The following ROBO1 variants were observed in gnomAD, a reference collection of about 807,000 sequenced individuals.
ROBO1 encodes roundabout homolog 1.
In ROBO1, 149 loss-of-function variants were observed where a neutral mutation model predicts 195.9. That is an observed-to-expected ratio of 0.76 (90% CI 0.67 to 0.87). The LOEUF (loss-of-function observed/expected upper bound fraction) is 0.87, where lower values mean the gene tolerates loss of function less well. Ranked by LOEUF, ROBO1 falls within the 40% of genes least tolerant of loss-of-function variation. The pLI, the probability that ROBO1 is intolerant of heterozygous loss-of-function variation, is 0.00. For synonymous variants in ROBO1, 816 were observed against 733.2 expected (o/e 1.11, Z -1.82); for missense variants, 1,933 against 2,068.3 (o/e 0.93, Z 1.27).
At chr3:79,049,787 C>A (rs2078662141) in intron 3 of ROBO1, among the ~76,000 whole-genome samples, 1 of 152,086 alleles carries the variant, frequency 6.6e-6, no homozygotes, top group Non-Finnish European at 1.5e-5. Flanking sequence ...AATTTCATAT[C>A]CAGCCAAACT....
intron 3 of ROBO1, among the ~76,000 whole-genome samples, chr3:79,004,996 C>T (rs2077588378): frequency 6.6e-6 from 1 of 152,190 alleles, no homozygotes; most frequent in Admixed American, 6.5e-5. Flanking sequence ...CTTCTAAAGG[C>T]TGCAGTTATC....
chr3:79,637,112 G>A (rs1381033671), intron 1 of ROBO1, among the ~76,000 whole-genome samples: 1 of 152,158 alleles, frequency 6.6e-6, no homozygotes, highest in Admixed American at 6.5e-5. Flanking sequence ...AGACGCTATG[G>A]TAATTGGGCA....
At chr3:79,091,013 C>G (rs944804699) in intron 3 of ROBO1, among the ~76,000 whole-genome samples, 2 of 151,974 alleles carry the variant, frequency 1.3e-5, no homozygotes, top group African/African-American at 4.8e-5. Flanking sequence ...AGTGCGTTCT[C>G]TTTTATGCTT....
At position 78,790,420 on chromosome 3, in the gene ROBO1, T is replaced by C. The variant is rs530381038; in HGVS notation, c.500-43520A>G. On this transcript the variant is annotated intron_variant, in intron 4 of 30. Coordinates refer to ENST00000464233, the MANE Select transcript of ROBO1 (RefSeq NM_002941.4). The stretch of plus-strand genomic sequence containing the variant: ...ACAATGTATAATAATTACATTAGAG[T>C]ACATGAGATATTCATCACTTCAAGC... 5.3e-5 allele frequency among the ~76,000 whole-genome samples: 8 copies of C among 152,224 alleles called. No individual in the cohort carries two copies. In the South Asian group the frequency reaches 1.5e-3, roughly 28 times the overall value.
chr3:79,468,834 T>C (rs1249598608), intron 2 of ROBO1, among the ~76,000 whole-genome samples: 2 of 152,124 alleles, frequency 1.3e-5, no homozygotes, highest in Non-Finnish European at 2.9e-5. Flanking sequence ...GAGTTTTAGT[T>C]TGGGTCATAT....
chr3:79,700,001 A>G lies in ROBO1; in HGVS notation c.-51+67751T>C, dbSNP rs114832101. ...GTCCTCCTCCCTCCCTTCTCTCTCT[A>G]ATACTTCCCAACATCTGTTGTTGCC... is the stretch of plus-strand genomic sequence containing the variant. On this transcript the variant is annotated intron_variant, in intron 1 of 30. Coordinates refer to ENST00000464233, the MANE Select transcript of ROBO1 (RefSeq NM_002941.4). 6.2e-3 allele frequency among the ~76,000 whole-genome samples: 934 copies of G among 151,594 alleles called. 16 individuals carry two copies. The highest frequency in any genetic ancestry group is 0.021 in the African/African-American group (855 of 41,394).
chr3:79,163,214 ACT>A (rs1245842432), intron 2 of ROBO1, among the ~76,000 whole-genome samples: 14 of 151,736 alleles, frequency 9.2e-5, no homozygotes, highest in East Asian at 5.9e-4. Context: ...CCACAATTCT[ACT>A]CTCTGTTTCA....
At chr3:79,717,332 C>T (rs536509027) in intron 1 of ROBO1, among the ~76,000 whole-genome samples, 2 of 151,792 alleles carry the variant, frequency 1.3e-5, no homozygotes, top group African/African-American at 4.8e-5. Flanking sequence ...CTGAATCTTC[C>T]AAAAGGCACT....
At chr3:79,118,861 CTCAA>C (rs2080061822) in intron 3 of ROBO1, among the ~76,000 whole-genome samples, 1 of 136,152 alleles carries the variant, frequency 7.3e-6, no homozygotes, top group South Asian at 2.3e-4. Flanking sequence ...AAGACTCCAA[CTCAA>C]AAAAAAAAAA....
intron 5 of ROBO1, among the ~76,000 whole-genome samples, chr3:78,740,739 C>T (rs146414961): frequency 0.015 from 2,321 of 152,186 alleles, 26 homozygotes; most frequent in Middle Eastern, 0.048. Flanking sequence ...TCCCAAAGAG[C>T]TGGGATTACA....
At chr3:78,616,095 C>G (rs1704095298) in intron 27 of ROBO1, among the ~76,000 whole-genome samples, 1 of 152,142 alleles carries the variant, frequency 6.6e-6, no homozygotes, top group Non-Finnish European at 1.5e-5. Flanking sequence ...ATTCATTCTA[C>G]TGTGTAAGGC....
chr3:78,659,095 C>T (rs116721373), intron 17 of ROBO1, among the ~76,000 whole-genome samples: 2,822 of 152,260 alleles, frequency 0.019, 85 homozygotes, highest in African/African-American at 0.064. Context: ...TTTTTCTAGA[C>T]TAACACATAG....
chr3:79,220,915 T>A (rs1219631190), intron 2 of ROBO1, among the ~76,000 whole-genome samples: 1 of 152,048 alleles, frequency 6.6e-6, no homozygotes, highest in Non-Finnish European at 1.5e-5. Context: ...CACTGTAGGA[T>A]GTTTAGCAAC....
At chr3:79,086,333 A>G (rs2079369985) in intron 3 of ROBO1, among the ~76,000 whole-genome samples, 1 of 152,180 alleles carries the variant, frequency 6.6e-6, no homozygotes, top group South Asian at 2.1e-4. Context: ...GAAATGTTAA[A>G]TATTTAAAAG....
intron 1 of ROBO1, among the ~76,000 whole-genome samples, chr3:79,689,527 C>A (rs1454126942): frequency 2.0e-5 from 3 of 151,888 alleles, no homozygotes; most frequent in African/African-American, 7.3e-5. Flanking sequence ...TGTAGGAGCA[C>A]ACTAGCTGTT....
At chr3:79,318,129 C>A (rs1434284911) in intron 2 of ROBO1, among the ~76,000 whole-genome samples, 1 of 152,130 alleles carries the variant, frequency 6.6e-6, no homozygotes, top group Non-Finnish European at 1.5e-5. Context: ...GGATGAGGAC[C>A]ACCCACATAA....
intron 2 of ROBO1, among the ~76,000 whole-genome samples, chr3:79,566,789 T>C (rs2107730722): frequency 6.6e-6 from 1 of 152,192 alleles, no homozygotes; most frequent in South Asian, 2.1e-4. Flanking sequence ...TAACAGATGC[T>C]GGAGAGGTTG....
At chr3:78,760,157 C>G (rs1226046794) in intron 4 of ROBO1, among the ~76,000 whole-genome samples, 2 of 152,164 alleles carry the variant, frequency 1.3e-5, no homozygotes, top group African/African-American at 4.8e-5. Flanking sequence ...TGAGACGTGA[C>G]TTTCACCTTC....
In ROBO1 at chr3:78,842,289, A is replaced by ATGAGCCATATATATATTTATATG. The variant is rs1559913601; in HGVS notation, c.500-95390_500-95389insCATATAAATATATATATGGCTCA. Among the ~76,000 whole-genome samples, 22 of 32,902 alleles carry ATGAGCCATATATATATTTATATG rather than the reference A, an allele frequency of 6.7e-4. 3 individuals carry two copies. The highest frequency in any genetic ancestry group is 2.9e-3 in the South Asian group (2 of 698). The allele number at this position is 32,902 out of a possible 152,430, so 21.6% of individuals were successfully genotyped here. On this transcript the variant is annotated intron_variant, in intron 4 of 30. Transcript: ENST00000464233. ...ATATGAGCCATATATATATTTATAT[A>ATGAGCCATATATATATTTATATG]TATGAGCCATATATATATTTATATA...
Sources: gnomAD v4.1 joint callset for allele counts (sites outside exome capture counted in the v4.1 genomes callset) on GRCh38, gnomAD v4.1.1 for gene constraint, MANE v1.5 for transcripts, NCBI Gene and HGNC (gene_info 2026-07-23, HGNC 2026-07-21) for gene names.